DNAH11: variants seen among roughly 807,000 people sequenced by gnomAD.
DNAH11 encodes axonemal beta dynein heavy chain 11.
In DNAH11, 442 loss-of-function variants were observed where a neutral mutation model predicts 526.0. That is an observed-to-expected ratio of 0.84 (90% CI 0.78 to 0.91). The LOEUF is 0.91. Among genes scored for constraint, DNAH11 ranks in the 40% least tolerant of loss-of-function variants. DNAH11 has a pLI of 0.00. For missense variants in DNAH11, 6,989 were observed against 5,448.7 expected (o/e 1.28, Z -8.90); for synonymous variants, 2,461 against 1,935.9 (o/e 1.27, Z -7.12).
intron 36 of DNAH11, among the ~76,000 whole-genome samples, chr7:21,698,464 C>G (rs1260603845): frequency 6.6e-6 from 1 of 152,092 alleles, no homozygotes; most frequent in African/African-American, 2.4e-5. Flanking sequence ...TTATCCCTCA[C>G]CCACCTCCCA....
intron 9 of DNAH11, among the ~76,000 whole-genome samples, chr7:21,583,648 C>T (rs529804350): frequency 1.3e-5 from 2 of 152,268 alleles, no homozygotes; most frequent in South Asian, 2.1e-4. Flanking sequence ...GAACAGGCAA[C>T]CTACAGAATG....
chr7:21,704,417 A>C lies in DNAH11; in HGVS notation c.6274-17A>C, dbSNP rs72657341. ...AGACCTTGTATTGGCTTTTTTATAA[A>C]ATGTTTTTTTTTCTAGGTACTCATG... On this transcript the variant is annotated splice_polypyrimidine_tract_variant and intron_variant, in intron 37 of 81. Coordinates refer to ENST00000409508, the MANE Select transcript of DNAH11 (RefSeq NM_001277115.2). The C allele has an allele frequency of 1.9e-6, 3 of 1,599,616 alleles. No individual in the cohort carries two copies.
At chr7:21,841,177 C>A (rs1782189204) in intron 65 of DNAH11, among the ~76,000 whole-genome samples, 1 of 152,054 alleles carries the variant, frequency 6.6e-6, no homozygotes, top group African/African-American at 2.4e-5. Context: ...GAGTGAGACA[C>A]TGTCACACAC....
At chr7:21,572,558 A>T (rs545377167) in intron 8 of DNAH11, among the ~76,000 whole-genome samples, 1 of 152,330 alleles carries the variant, frequency 6.6e-6, no homozygotes, top group African/African-American at 2.4e-5. Context: ...TAGGATAAAA[A>T]TAGCTTCATT....
In DNAH11 at chr7:21,618,634, C is replaced by T. The variant is rs201076718; in HGVS notation, c.4255-466C>T. On this transcript the variant is annotated intron_variant, in intron 23 of 81. Coordinates refer to ENST00000409508, the MANE Select transcript of DNAH11 (RefSeq NM_001277115.2). ...TGACACTGTAAGACTATTTTTTTTG[C>T]CAATGAACTGAGATTAAATTAGTGA... Among the ~76,000 whole-genome samples the T allele has an allele frequency of 1.1e-4, 16 of 151,686 alleles. No homozygotes were observed. The East Asian group carries it at 1.6e-3, about 15-fold the overall frequency.
chr7:21,637,766 C>G, intron 27 of DNAH11, 64 bp downstream of exon 27: 1 of 1,020,420 alleles, frequency 9.8e-7, no homozygotes, highest in Non-Finnish European at 1.4e-6. Context: ...TTTCACATAC[C>G]TAATAGTATT....
At chr7:21,718,886 TAAAC>T (rs1269624724) in intron 43 of DNAH11, among the ~76,000 whole-genome samples, 22 of 152,352 alleles carry the variant, frequency 1.4e-4, no homozygotes, top group African/African-American at 5.0e-4. Flanking sequence ...ACCAATTAAA[TAAAC>T]GATAGTCTTC....
At chr7:21,647,684 G>A (rs1164328930) in intron 28 of DNAH11, among the ~76,000 whole-genome samples, 2 of 151,762 alleles carry the variant, frequency 1.3e-5, no homozygotes, top group Non-Finnish European at 2.9e-5. Flanking sequence ...GCCTGCCTCA[G>A]CCTCCCAAAG....
rs1047218697 is a variant in DNAH11 at position 21,710,419 on chromosome 7, T to C, written c.6684-134T>C. ...GGTGAATCTGGAACCCATGTGTGGC[T>C]GAAAAGGTGTTACACACTGCCCGCA... On this transcript the variant is annotated intron_variant, in intron 40 of 81. Coordinates refer to ENST00000409508, the MANE Select transcript of DNAH11 (RefSeq NM_001277115.2). 15 of 656,222 alleles carry C rather than the reference T, an allele frequency of 2.3e-5. No homozygotes were observed. The East Asian group carries it at 4.3e-4, about 19-fold the overall frequency. The allele number at this position is 656,222 out of a possible 1,614,324, so 40.6% of individuals were successfully genotyped here.
chr7:21,749,623 T>G, intron 52 of DNAH11, 55 bp from the exon 53 acceptor site: 1 of 1,602,596 alleles, frequency 6.2e-7, no homozygotes. Context: ...ACACACAACC[T>G]CTCAACGCCG....
In DNAH11 at chr7:21,880,806, G is replaced by C. The variant is rs1173934411; in HGVS notation, c.12300G>C (p.Gln4100His). 1 of 1,614,010 alleles carries C rather than the reference G, an allele frequency of 6.2e-7. No individual in the cohort carries two copies. The highest frequency in any genetic ancestry group is 1.1e-5 in the South Asian group (1 of 91,082). ...CTGGGAGACTGAGGTTTGGCCCCCA[G>C]GGCTGGAGCCGAAGCTATCCTTTTA... Reference protein sequence around the residue: ...CVAGRLRFGPQGWSRSYPFNP... With the variant: ...CVAGRLRFGPHGWSRSYPFNP... Residue 4100 changes from glutamine to histidine, a missense_variant, in exon 75 of 82, where the codon CAG becomes CAC. Coordinates refer to ENST00000409508, the MANE Select transcript of DNAH11 (RefSeq NM_001277115.2).
chr7:21,649,075 A>G (rs1158890566), intron 28 of DNAH11, among the ~76,000 whole-genome samples: 2 of 152,230 alleles, frequency 1.3e-5, no homozygotes, highest in Non-Finnish European at 2.9e-5. Flanking sequence ...TTCAAAAAAC[A>G]CATATACTTG....
chr7:21,598,866 G>T (rs377020997), intron 14 of DNAH11, among the ~76,000 whole-genome samples: 22 of 152,272 alleles, frequency 1.4e-4, no homozygotes, highest in African/African-American at 4.8e-4. Flanking sequence ...GCATTAGTTT[G>T]CTGAGGATAA....
chr7:21,674,217 A>G (rs1366967092), intron 30 of DNAH11, among the ~76,000 whole-genome samples: 1 of 151,592 alleles, frequency 6.6e-6, no homozygotes, highest in Non-Finnish European at 1.5e-5. Flanking sequence ...GATCATGCCC[A>G]GCTAATTTTT....
rs1248793036 is a variant in DNAH11 at position 21,616,235 on chromosome 7, C to A, written c.4038C>A (p.Thr1346=). The A allele has an allele frequency of 1.2e-6, 2 of 1,613,462 alleles. No homozygotes were observed. The highest frequency in any genetic ancestry group is 1.1e-5 in the South Asian group (1 of 91,000). The change falls in exon 22 of 82, where the codon ACC becomes ACA. Residue 1346 remains threonine (T), a synonymous_variant. Transcript: ENST00000409508. ...VRRSIDNWTK[T]QWRQIHVEQM... ...GAAGCATTGATAATTGGACTAAAAC[C>A]CAGTGGAGACAGATTCATGTGGAAC...
intron 76 of DNAH11, among the ~76,000 whole-genome samples, chr7:21,891,827 A>G (rs987767487): frequency 2.0e-5 from 3 of 152,150 alleles, no homozygotes; most frequent in African/African-American, 7.2e-5. Flanking sequence ...CTCTTAGTAT[A>G]TATGGCCTAT....
Position 21,570,075 on chromosome 7 carries a change from G to A in DNAH11, c.1201G>A (p.Ala401Thr), listed in dbSNP as rs1326928067. The A allele has an allele frequency of 1.9e-6, 3 of 1,601,544 alleles. No homozygotes were observed. Among genetic ancestry groups the A allele is most frequent in the Non-Finnish European group, 2.6e-6 (3 of 1,174,288 alleles). ...FCNLFINQAT[A>T]YLSPEDLLRG... ...CCCTTTCATTAAATCCTAGGCAACA[G>A]CTTACCTTTCACCTGAGGACCTTTT... Residue 401 changes from alanine (A) to threonine (T), a missense_variant, in exon 7 of 82, where the codon GCT (alanine) becomes ACT (threonine). Coordinates refer to ENST00000409508, the MANE Select transcript of DNAH11 (RefSeq NM_001277115.2).
intron 42 of DNAH11, among the ~76,000 whole-genome samples, chr7:21,714,267 TG>T (rs1562504624): frequency 6.6e-6 from 1 of 152,206 alleles, no homozygotes; most frequent in African/African-American, 2.4e-5. Context: ...ATTTTACTTT[TG>T]GGTTTTTTGT....
At chr7:21,637,334 C>T (rs571173486) in intron 26 of DNAH11, among the ~76,000 whole-genome samples, 1 of 151,496 alleles carries the variant, frequency 6.6e-6, no homozygotes, top group African/African-American at 2.4e-5. Context: ...TATTCTTTTT[C>T]GTTTGATTTA....
Sources: gnomAD v4.1 joint callset for allele counts (sites outside exome capture counted in the v4.1 genomes callset) on GRCh38, gnomAD v4.1.1 for gene constraint, MANE v1.5 for transcripts, NCBI Gene and HGNC (gene_info 2026-07-23, HGNC 2026-07-21) for gene names.